Variants in THRAP3 observed in about 807,000 individuals in gnomAD.
The protein encoded by THRAP3 is thyroid hormone receptor associated protein 3.
In THRAP3, 16 loss-of-function variants were observed where a neutral mutation model predicts 101.0. The ratio of observed to expected loss-of-function variants is 0.16; its 90% CI spans 0.11 to 0.24. The LOEUF (loss-of-function observed/expected upper bound fraction) is 0.24. Among genes scored for constraint, THRAP3 ranks in the 10% least tolerant of loss-of-function variants. The pLI, the probability that THRAP3 is intolerant of heterozygous loss-of-function variation, is 1.00. For synonymous variants in THRAP3, 407 were observed against 422.6 expected (o/e 0.96, Z 0.45); for missense variants, 989 against 1,202.7 (o/e 0.82, Z 2.63).
intron 2 of THRAP3, among the ~76,000 whole-genome samples, chr1:36,261,349 G>A (rs1448442993): frequency 2.6e-5 from 4 of 152,110 alleles, no homozygotes; most frequent in Admixed American, 6.6e-5. Context: ...TGGCTAACAC[G>A]GTGAAACCCC....
chr1:36,274,042 CAA>C (rs35623670), intron 2 of THRAP3, among the ~76,000 whole-genome samples: 128 of 78,980 alleles, frequency 1.6e-3, no homozygotes, highest in African/African-American at 4.2e-3. Context: ...GACTCCACCT[CAA>C]AAAAAAAAAA....
At chr1:36,242,107 C>T in intron 1 of THRAP3, 1 of 186,130 alleles carries the variant, frequency 5.4e-6, no homozygotes, top group Non-Finnish European at 1.2e-5. Context: ...GATGGAGCTT[C>T]TGGGTATTTA....
intron 4 of THRAP3, chr1:36,287,843 G>A (rs1405658737): frequency 2.0e-6 from 2 of 985,308 alleles, no homozygotes; most frequent in Non-Finnish European, 2.4e-6. Flanking sequence ...ACATGACAGT[G>A]CTTCCGTCTT....
At chr1:36,222,795 G>A (rs1297397065), upstream of THRAP3, among the ~76,000 whole-genome samples, 2 of 152,172 alleles carry the variant, frequency 1.3e-5, no homozygotes, top group African/African-American at 4.8e-5. Context: ...ATTTTACACT[G>A]GGCATTGTAT....
At chr1:36,242,438 C>T (rs1425890152) in intron 1 of THRAP3, among the ~76,000 whole-genome samples, 2 of 146,572 alleles carry the variant, frequency 1.4e-5, no homozygotes, top group Non-Finnish European at 3.0e-5. Context: ...CAGGTGCGAG[C>T]CGTCTGTTTT....
At chr1:36,213,674 C>T in the THRAP3 span, among the ~76,000 whole-genome samples, 20 of 151,502 alleles carry the variant, frequency 1.3e-4, no homozygotes, top group Middle Eastern at 3.4e-3. Flanking sequence ...AGTGAAACCC[C>T]GTCTCTACTA....
chr1:36,301,492 G>C (rs1490442672), intron 10 of THRAP3, 61 bp from the exon 11 acceptor site: 1 of 1,576,630 alleles, frequency 6.3e-7, no homozygotes, highest in African/African-American at 1.4e-5. Context: ...AAAAAGCAGG[G>C]GGGTTTGTTC....
chr1:36,217,991 G>A, the THRAP3 span, among the ~76,000 whole-genome samples: 3 of 152,158 alleles, frequency 2.0e-5, no homozygotes, highest in South Asian at 4.1e-4. Flanking sequence ...AATGAGGAAG[G>A]GATGTCAAAA....
intron 1 of THRAP3, among the ~76,000 whole-genome samples, chr1:36,252,414 G>A (rs893063055): frequency 2.0e-5 from 3 of 152,126 alleles, no homozygotes; most frequent in Admixed American, 6.6e-5. Context: ...ATGAGCCACC[G>A]TGCCTGGCCA....
chr1:36,270,143 C>T (rs180934608), intron 2 of THRAP3, among the ~76,000 whole-genome samples: 1 of 152,190 alleles, frequency 6.6e-6, no homozygotes, highest in Non-Finnish European at 1.5e-5. Flanking sequence ...AATCCCAGCA[C>T]TTTGGAAGGC....
the THRAP3 span, among the ~76,000 whole-genome samples, chr1:36,211,846 T>A: frequency 6.6e-6 from 1 of 152,140 alleles, no homozygotes; most frequent in Admixed American, 6.6e-5. Flanking sequence ...CCTTCAAGCA[T>A]AGAGGGTCAG....
intron 2 of THRAP3, among the ~76,000 whole-genome samples, chr1:36,270,191 C>T (rs1029275546): frequency 1.3e-5 from 2 of 152,136 alleles, no homozygotes; most frequent in African/African-American, 4.8e-5. Flanking sequence ...GAGTTTGAAA[C>T]CAGCTTGGGC....
At chr1:36,287,369 A>G in intron 4 of THRAP3, 99 bp downstream of exon 4, 1 of 1,418,946 alleles carries the variant, frequency 7.0e-7, no homozygotes, top group Non-Finnish European at 9.3e-7. Flanking sequence ...TAATGGTAAA[A>G]GGTAATCCCT....
intron 8 of THRAP3, among the ~76,000 whole-genome samples, chr1:36,296,066 TG>T (rs543157066): frequency 8.4e-4 from 122 of 144,838 alleles, no homozygotes; most frequent in African/African-American, 2.7e-3. Context: ...CTCCACCTCC[TG>T]GGTTTAAGCG....
At chr1:36,268,426 A>AT (rs1645541424) in intron 2 of THRAP3, among the ~76,000 whole-genome samples, 1 of 152,184 alleles carries the variant, frequency 6.6e-6, no homozygotes, top group African/African-American at 2.4e-5. Context: ...TATTTGTTAC[A>AT]TTGGCAGTGT....
chr1:36,238,170 G>A (rs1645113817), intron 1 of THRAP3, among the ~76,000 whole-genome samples: 1 of 152,012 alleles, frequency 6.6e-6, no homozygotes, highest in African/African-American at 2.4e-5. Flanking sequence ...GTCTCGTTTT[G>A]TTGCCCAGGG....
chr1:36,219,864 G>C (rs1644894087), upstream of THRAP3, among the ~76,000 whole-genome samples: 1 of 152,126 alleles, frequency 6.6e-6, no homozygotes, highest in African/African-American at 2.4e-5. Context: ...CTTTTTTCAG[G>C]CTAATGCAGC....
At chr1:36,252,861 C>G (rs1276520823) in intron 1 of THRAP3, among the ~76,000 whole-genome samples, 2 of 148,068 alleles carry the variant, frequency 1.4e-5, no homozygotes, top group African/African-American at 5.0e-5. Flanking sequence ...GAGCCAAGAC[C>G]ATGCCACTGC....
intron 1 of THRAP3, among the ~76,000 whole-genome samples, chr1:36,246,029 C>T (rs1645227056): frequency 6.6e-6 from 1 of 152,124 alleles, no homozygotes; most frequent in Non-Finnish European, 1.5e-5. Context: ...TGATTATAAT[C>T]TGCATTTTAC....
Sources: gnomAD v4.1 joint callset for allele counts (sites outside exome capture counted in the v4.1 genomes callset) on GRCh38, gnomAD v4.1.1 for gene constraint, MANE v1.5 for transcripts, NCBI Gene and HGNC (gene_info 2026-07-23, HGNC 2026-07-21) for gene names.